Variants in LYST observed in about 807,000 individuals in gnomAD.
LYST encodes lysosomal trafficking regulator, also known as lysosomal-trafficking regulator.
A neutral mutation model predicts 413.6 loss-of-function variants in LYST; 192 were observed. The ratio of observed to expected loss-of-function variants is 0.46; its 90% CI spans 0.41 to 0.52. The LOEUF is 0.52. Among genes scored for constraint, LYST ranks in the 20% least tolerant of loss-of-function variants. The probability of loss-of-function intolerance (pLI) is 0.00; values close to 1 mark genes in which losing one functional copy is unlikely to be tolerated. For missense variants in LYST, 3,815 were observed against 4,499.9 expected, an observed-to-expected ratio of 0.85 and a Z score of 4.35; for synonymous variants, 1,525 against 1,567.3, an observed-to-expected ratio of 0.97 and a Z score of 0.64.
intron 48 of LYST, among the ~76,000 whole-genome samples, chr1:235,683,488 C>T (rs796297103): frequency 4.6e-5 from 7 of 152,346 alleles, no homozygotes; most frequent in African/African-American, 1.7e-4. Context: ...TTATAGGTTA[C>T]AATCCCATAT....
rs1283591796 is a variant in LYST at position 235,773,890 on chromosome 1, C to T, written c.5736G>A (p.Lys1912=). Residue 1912 remains lysine (K), a synonymous_variant, in exon 19 of 53, where the codon AAG becomes AAA. Coordinates refer to ENST00000389793, the MANE Select transcript of LYST (RefSeq NM_000081.4). ...AGTCAAGCAATAGTTCCTCTAACAG[C>T]TTAACATCTTGGATTATAGCATTAG... ...VDSNAIIQDV[K]LLEELLLDWK... is the part of the protein sequence containing the mutation. 6.2e-7 allele frequency: 1 copy of T among 1,611,282 alleles called. No homozygotes were observed. The highest frequency in any genetic ancestry group is 8.5e-7 in the Non-Finnish European group (1 of 1,177,542).
chr1:235,874,093 T>A (rs1249292124), intron 1 of LYST, among the ~76,000 whole-genome samples: 2 of 152,178 alleles, frequency 1.3e-5, no homozygotes, highest in African/African-American at 4.8e-5. Flanking sequence ...AATATATATG[T>A]GTGTTTCGCT....
chr1:235,692,369 G>C (rs1345432642), intron 47 of LYST, among the ~76,000 whole-genome samples: 4 of 151,482 alleles, frequency 2.6e-5, no homozygotes, highest in Non-Finnish European at 5.9e-5. Context: ...AACCAACCTA[G>C]CTGCTATCAG....
chr1:235,670,708 G>T (rs1009592170), intron 50 of LYST, among the ~76,000 whole-genome samples: 24 of 152,208 alleles, frequency 1.6e-4, no homozygotes, highest in Non-Finnish European at 1.5e-4. Flanking sequence ...CATCCTGGAG[G>T]TTGAAAGTAT....
rs757291578 is a variant in LYST, at chr1:235,755,542, T to C, written c.7165A>G (p.Thr2389Ala). ...LANQLYLHRGTQELLECFIEM... is the reference protein window; with the variant it reads ...LANQLYLHRGAQELLECFIEM... ...ATGAAGCATTCTAACAATTCTTGAG[T>C]TCCTCGATGAAGATACAACTGGTTG... The change falls in exon 25 of 53, where the codon ACT becomes GCT. Residue 2389 changes from threonine (T) to alanine (A), a missense_variant. Physicochemically the swap from Thr to Ala is moderately conservative, Grantham distance 58. Coordinates refer to ENST00000389793, the MANE Select transcript of LYST (RefSeq NM_000081.4). 6.2e-7 allele frequency: 1 copy of C among 1,613,490 alleles called. No individual in the cohort carries two copies. The highest frequency in any genetic ancestry group is 8.5e-7 in the Non-Finnish European group (1 of 1,179,424).
intron 1 of LYST, among the ~76,000 whole-genome samples, chr1:235,855,087 G>A (rs549256760): frequency 2.0e-5 from 3 of 152,042 alleles, no homozygotes; most frequent in Non-Finnish European, 4.4e-5. Context: ...ATGTTGCTAT[G>A]GAAATTCCCA....
At chr1:235,780,200 G>C (rs1030586143) in intron 16 of LYST, among the ~76,000 whole-genome samples, 1 of 152,054 alleles carries the variant, frequency 6.6e-6, no homozygotes, top group African/African-American at 2.4e-5. Flanking sequence ...GAGGCCAGGA[G>C]TTTGAGACTA....
In LYST at chr1:235,720,857, G is replaced by T. The variant is rs1204394610; in HGVS notation, c.9364C>A (p.Leu3122Ile). 1.2e-6 allele frequency: 2 copies of T among 1,613,600 alleles called. No individual in the cohort carries two copies. The highest frequency in any genetic ancestry group is 1.7e-6 in the Non-Finnish European group (2 of 1,179,564). Residue 3122 changes from leucine (L) to isoleucine (I), a missense_variant, in exon 40 of 53, where the codon CTT becomes ATT. This residue lies in a region of LYST where 866 missense variants were observed against 1,156.0 expected (regional missense o/e 0.75). Transcript: ENST00000389793. Reference sequence around the variant, plus strand: ...GCGGTGATGTTACCATATTCCAGAAGATTAGGGAGGTTATTTGTGAGTATA... The same window carrying T: ...GCGGTGATGTTACCATATTCCAGAATATTAGGGAGGTTATTTGTGAGTATA... ...HNILTNNLPN[L>I]LEYGNITALT...
At chr1:235,858,852 A>G (rs1679517212) in intron 1 of LYST, among the ~76,000 whole-genome samples, 1 of 151,986 alleles carries the variant, frequency 6.6e-6, no homozygotes, top group Non-Finnish European at 1.5e-5. Flanking sequence ...CTGCATTGTT[A>G]TGGGGGGCAG....
intron 28 of LYST, chr1:235,747,369 TA>T (rs1449867235): frequency 3.0e-6 from 1 of 336,436 alleles, no homozygotes; most frequent in African/African-American, 2.2e-5. Flanking sequence ...TCAATTTCTA[TA>T]AATAACCTCT....
intron 1 of LYST, among the ~76,000 whole-genome samples, chr1:235,879,435 G>A (rs1003926496): frequency 3.9e-5 from 6 of 152,178 alleles, no homozygotes; most frequent in Non-Finnish European, 8.8e-5. Context: ...CTCAAGAACT[G>A]CTGAGTGGCA....
chr1:235,788,099 T>C (rs1351126536), intron 13 of LYST, among the ~76,000 whole-genome samples: 2 of 152,174 alleles, frequency 1.3e-5, no homozygotes, highest in Non-Finnish European at 2.9e-5. Flanking sequence ...ACTTCAGTAT[T>C]TGATCTAAAA....
chr1:235,723,243 T>C (rs78222301), intron 39 of LYST, among the ~76,000 whole-genome samples: 5,738 of 152,270 alleles, frequency 0.038, 362 homozygotes, highest in African/African-American at 0.13. Flanking sequence ...GTTTGAGATG[T>C]CAATTAGTGA....
At chr1:235,673,190 G>T (rs1659091500) in intron 50 of LYST, among the ~76,000 whole-genome samples, 1 of 151,970 alleles carries the variant, frequency 6.6e-6, no homozygotes, top group South Asian at 2.1e-4. Context: ...CCAAAGCAAT[G>T]TTAAAAAGAA....
At chr1:235,692,953 G>A (rs1418242179) in intron 47 of LYST, among the ~76,000 whole-genome samples, 3 of 151,858 alleles carry the variant, frequency 2.0e-5, no homozygotes, top group Non-Finnish European at 4.4e-5. Context: ...TCTGGGAGGT[G>A]GAGGGTGCAG....
At chr1:235,696,993 A>C in intron 46 of LYST, 90 bp downstream of exon 46, 1 of 1,260,274 alleles carries the variant, frequency 7.9e-7, no homozygotes, top group East Asian at 2.4e-5. Context: ...TTTTCCACCA[A>C]GGACTCAAAG....
intron 25 of LYST, among the ~76,000 whole-genome samples, chr1:235,754,814 C>G (rs1666850829): frequency 2.0e-5 from 3 of 152,026 alleles, no homozygotes; most frequent in Admixed American, 6.6e-5. Flanking sequence ...TGGCCCACAC[C>G]TATAATCCCA....
intron 1 of LYST, among the ~76,000 whole-genome samples, chr1:235,844,155 T>C (rs1259058636): frequency 6.6e-6 from 1 of 152,238 alleles, no homozygotes; most frequent in Non-Finnish European, 1.5e-5. Flanking sequence ...TTAACTATTC[T>C]AAATCCCAGC....
At position 235,664,144 on chromosome 1, in the gene LYST, G is replaced by C; in HGVS notation, c.11196-89C>G. On this transcript the variant is annotated intron_variant, in intron 51 of 52. Coordinates refer to ENST00000389793, the MANE Select transcript of LYST (RefSeq NM_000081.4). This position sits in a 1 kb window ranked among gnomAD's most constrained non-coding sequence, Gnocchi z 4.5. Reference sequence around the variant, plus strand: ...TATTTGTTTATTTGTTAAAAATCATGTGGAAGGAAATGTAACAAACAATTA... The same window carrying C: ...TATTTGTTTATTTGTTAAAAATCATCTGGAAGGAAATGTAACAAACAATTA... 9.9e-7 allele frequency: 1 copy of C among 1,006,290 alleles called. No homozygotes were observed. Among genetic ancestry groups the C allele is most frequent in the Non-Finnish European group, 1.6e-6 (1 of 631,404 alleles). The allele number at this position is 1,006,290 out of a possible 1,614,324, so 62.3% of individuals were successfully genotyped here.
Sources: gnomAD v4.1 joint callset for allele counts (sites outside exome capture counted in the v4.1 genomes callset) on GRCh38, gnomAD v4.1.1 for gene constraint, gnomAD v4.1.1 regional missense constraint, Gnocchi (gnomAD v3.1) non-coding constraint, MANE v1.5 for transcripts, NCBI Gene and HGNC (gene_info 2026-07-23, HGNC 2026-07-21) for gene names.